NUP153: variants seen among roughly 807,000 people sequenced by gnomAD.
NUP153 encodes the protein nuclear pore complex protein Nup153.
Under a neutral mutation model 134.6 loss-of-function variants are expected in NUP153, and 27 were observed. That is an observed-to-expected ratio of 0.20 (90% CI 0.15 to 0.28). The LOEUF is 0.28. NUP153 is among the 10% of genes least tolerant of loss of function. The probability of loss-of-function intolerance (pLI) is 1.00; values close to 1 mark genes in which losing one functional copy is unlikely to be tolerated. For missense variants in NUP153, 1,821 were observed against 1,731.3 expected, an observed-to-expected ratio of 1.05 and a Z score of -0.92; for synonymous variants, 640 against 623.5, an observed-to-expected ratio of 1.03 and a Z score of -0.40.
rs774053723 is a variant in NUP153 at position 17,629,426 on chromosome 6, T to C, written c.2773A>G (p.Lys925Glu). ...TTGAATCCTCCCTGATCTCCAAATT[T>C]AAAATTTCCAGTGCTTGTTAAAGTC... ...SQTLTSTGNFKFGDQGGFKIG... is the reference protein window; with the variant it reads ...SQTLTSTGNFEFGDQGGFKIG... Residue 925 changes from lysine (K) to glutamate (E), a missense_variant, in exon 18 of 22, where the codon AAA (lysine) becomes GAA (glutamate). Lys to Glu is a moderately conservative substitution (Grantham distance 56, BLOSUM62 1). Transcript: ENST00000262077. 1 of 1,614,136 alleles carries C rather than the reference T, an allele frequency of 6.2e-7. No individual in the cohort carries two copies. Among genetic ancestry groups the C allele is most frequent in the South Asian group, 1.1e-5 (1 of 91,086 alleles).
intron 1 of NUP153, among the ~76,000 whole-genome samples, chr6:17,705,575 G>A (rs1403799719): frequency 6.7e-6 from 1 of 149,624 alleles, no homozygotes; most frequent in Non-Finnish European, 1.5e-5. Flanking sequence ...AAAGGCGGGG[G>A]TGGCGGTGTT....
intron 20 of NUP153, among the ~76,000 whole-genome samples, chr6:17,620,261 C>A (rs1388916306): frequency 6.6e-6 from 1 of 152,032 alleles, no homozygotes; most frequent in Admixed American, 6.5e-5. Context: ...GCTATACTTA[C>A]CATATATAGC....
At chr6:17,634,651 G>C (rs1321232957) in intron 16 of NUP153, among the ~76,000 whole-genome samples, 3 of 152,142 alleles carry the variant, frequency 2.0e-5, no homozygotes, top group Non-Finnish European at 2.9e-5. Context: ...TGGCCAGGCT[G>C]GTCTCAAACT....
At chr6:17,632,627 T>C in intron 17 of NUP153, 23 bp downstream of exon 17, 4 of 1,570,594 alleles carry the variant, frequency 2.5e-6, no homozygotes, top group Non-Finnish European at 2.6e-6. Context: ...CCATCACCTT[T>C]ATTTTTATTT....
In NUP153 at chr6:17,628,655, C is replaced by A; in HGVS notation, c.3544G>T (p.Asp1182Tyr). The A allele has an allele frequency of 6.7e-7, 1 of 1,486,696 alleles. No homozygotes were observed. The highest frequency in any genetic ancestry group is 9.0e-7 in the Non-Finnish European group (1 of 1,113,552). 92.1% of individuals were successfully genotyped at this position (1,486,696 alleles called of 1,614,324 possible). ...ATAATAATAAAAAGTTAATACTTAC[C>A]AGCTGTAGTACTAGTTTGAGCTCCA... ...AFGAQTSTTADQGAAKPVFSF... is the reference protein window; with the variant it reads ...AFGAQTSTTAYQGAAKPVFSF... Residue 1182 changes from aspartate (D) to tyrosine (Y), a missense_variant and splice_region_variant, in exon 18 of 22, where the codon GAT (aspartate) becomes TAT (tyrosine). Coordinates refer to ENST00000262077, the MANE Select transcript of NUP153 (RefSeq NM_005124.4). The surrounding 1 kb of genome is among the most constrained non-coding windows in gnomAD (Gnocchi z 5.4).
At chr6:17,627,824 A>G (rs1765020946) in intron 18 of NUP153, among the ~76,000 whole-genome samples, 1 of 152,212 alleles carries the variant, frequency 6.6e-6, no homozygotes, top group Non-Finnish European at 1.5e-5. Context: ...CTCTGAAAGC[A>G]TTTGGGGTTT....
At position 17,660,752 on chromosome 6, in the gene NUP153, G is replaced by C. The variant is rs189413465; in HGVS notation, c.1395+901C>G. Reference sequence around the variant, plus strand: ...AAAACTATCTTGAAGAGAAAACATGGCAACATCTAATACAGCAGAAGATGT... The same window carrying C: ...AAAACTATCTTGAAGAGAAAACATGCCAACATCTAATACAGCAGAAGATGT... On this transcript the variant is annotated intron_variant, in intron 11 of 21. Transcript: ENST00000262077. 1.9e-4 allele frequency among the ~76,000 whole-genome samples: 29 copies of C among 152,158 alleles called. 1 individual carries two copies. The East Asian group carries it at 5.2e-3, about 27-fold the overall frequency.
At chr6:17,646,651 C>T (rs556835980) in intron 13 of NUP153, among the ~76,000 whole-genome samples, 7 of 152,200 alleles carry the variant, frequency 4.6e-5, no homozygotes, top group Non-Finnish European at 7.4e-5. Flanking sequence ...TTTTAAATTT[C>T]TCAGGCACTT....
intron 1 of NUP153, among the ~76,000 whole-genome samples, chr6:17,699,091 G>T (rs12199222): frequency 0.28 from 42,974 of 151,948 alleles, 6,214 homozygotes; most frequent in East Asian, 0.33. Flanking sequence ...GACAGTAAAT[G>T]GTATGTGTCA....
chr6:17,625,798 G>A lies in NUP153; in HGVS notation c.3901+10C>T. 1.3e-6 allele frequency: 2 copies of A among 1,588,570 alleles called. No individual in the cohort carries two copies. Among genetic ancestry groups the A allele is most frequent in the Non-Finnish European group, 8.6e-7 (1 of 1,162,624 alleles). On this transcript the variant is annotated intron_variant, in intron 19 of 21. Transcript: ENST00000262077. The surrounding 1 kb of genome is among the most constrained non-coding windows in gnomAD (Gnocchi z 4.7). ...CCAATTACAATGCATTTTTTCTTTT[G>A]TAAATGTACCTGCAGAGCTAGATGT...
intron 11 of NUP153, among the ~76,000 whole-genome samples, chr6:17,660,537 C>G (rs1767114223): frequency 6.6e-6 from 1 of 151,518 alleles, no homozygotes; most frequent in African/African-American, 2.4e-5. Context: ...AGAACTCTTT[C>G]TAATAATAAA....
rs888512039 is a variant in NUP153, at chr6:17,706,080, T to G, written c.111+197A>C. On this transcript the variant is annotated intron_variant, in intron 1 of 21. Coordinates refer to ENST00000262077, the MANE Select transcript of NUP153 (RefSeq NM_005124.4). The surrounding 1 kb of genome is among the most constrained non-coding windows in gnomAD (Gnocchi z 5.9). ...GGAAAGGCGGCCCAAACCACACGTGTGCGCCGCAAGGCTGGGCCTGTCTCA... is the reference window on the plus strand; with the variant it reads ...GGAAAGGCGGCCCAAACCACACGTGGGCGCCGCAAGGCTGGGCCTGTCTCA... Among the ~76,000 whole-genome samples the G allele has an allele frequency of 6.6e-6, 1 of 152,094 alleles. No individual in the cohort carries two copies. Among genetic ancestry groups the G allele is most frequent in the Non-Finnish European group, 1.5e-5 (1 of 68,000 alleles).
chr6:17,622,896 C>T (rs1561851200), intron 20 of NUP153, among the ~76,000 whole-genome samples: 1 of 151,798 alleles, frequency 6.6e-6, no homozygotes, highest in Admixed American at 6.6e-5. Context: ...TGTGGGAGGC[C>T]GAGGTGGGTG....
In NUP153 at chr6:17,675,721, C is replaced by T. The variant is rs759428257; in HGVS notation, c.384G>A (p.Arg128=). The T allele has an allele frequency of 1.9e-6, 3 of 1,613,762 alleles. No individual in the cohort carries two copies. The highest frequency in any genetic ancestry group is 1.1e-5 in the South Asian group (1 of 91,068). ...TCAGATGGCTCCGATGAAGAGAAGG[C>T]CTTGTTAACACATCTGGATAATTTG... The part of the protein sequence containing the change: ...TASNYPDVLT[R]PSLHRSHLNF... Residue 128 remains arginine (R), a synonymous_variant, in exon 3 of 22, where the codon AGG becomes AGA. Coordinates refer to ENST00000262077, the MANE Select transcript of NUP153 (RefSeq NM_005124.4). The surrounding 1 kb of genome is among the most constrained non-coding windows in gnomAD (Gnocchi z 4.4).
intron 16 of NUP153, 134 bp downstream of exon 16, chr6:17,637,016 ACCT>A: frequency 1.2e-6 from 1 of 830,142 alleles, no homozygotes; most frequent in Non-Finnish European, 1.8e-6. Context: ...AGACATTTTT[ACCT>A]CAAGATAGTT....
At position 17,646,058 on chromosome 6, in the gene NUP153, T is replaced by G. The variant is rs754258144; in HGVS notation, c.1720+9A>C. 5.1e-6 allele frequency: 7 copies of G among 1,386,032 alleles called. No homozygotes were observed. Among genetic ancestry groups the G allele is most frequent in the Admixed American group, 1.9e-5 (1 of 53,542 alleles). The allele number at this position is 1,386,032 out of a possible 1,614,324, so 85.9% of individuals were successfully genotyped here. A position where few individuals can be genotyped will look rare whatever the true frequency, so the allele number is the denominator to read the frequency against. ...TTTGTATGTTAAAATGTAAGAAATT[T>G]TTACTTACCTGAACTACTTATAATT... On this transcript the variant is annotated intron_variant, in intron 14 of 21. Coordinates refer to ENST00000262077, the MANE Select transcript of NUP153 (RefSeq NM_005124.4).
Position 17,669,560 on chromosome 6 carries a change from C to G in NUP153, c.853-14G>C, listed in dbSNP as rs1443537993. The G allele has an allele frequency of 2.0e-6, 3 of 1,521,844 alleles. No homozygotes were observed. In the East Asian group the frequency reaches 6.8e-5, roughly 34 times the overall value. 94.3% of individuals were successfully genotyped at this position (1,521,844 alleles called of 1,614,324 possible). ...TCTAACTGGTGCCTGTAAAGTAAACCCTATATTATTTGTTGCAACATAAAA... is the reference window on the plus strand; with the variant it reads ...TCTAACTGGTGCCTGTAAAGTAAACGCTATATTATTTGTTGCAACATAAAA... On this transcript the variant is annotated splice_polypyrimidine_tract_variant and intron_variant, in intron 5 of 21. Coordinates refer to ENST00000262077, the MANE Select transcript of NUP153 (RefSeq NM_005124.4).
chr6:17,648,387 C>G (rs946392048), intron 12 of NUP153, among the ~76,000 whole-genome samples: 2 of 152,116 alleles, frequency 1.3e-5, no homozygotes, highest in East Asian at 1.9e-4. Flanking sequence ...GAGGCCAAGG[C>G]AGGCGGATCA....
chr6:17,653,018 C>T (rs1446113565), intron 11 of NUP153, among the ~76,000 whole-genome samples: 3 of 152,030 alleles, frequency 2.0e-5, no homozygotes, highest in East Asian at 1.9e-4. Flanking sequence ...TTTGGTAGGC[C>T]GAGGCGGGTG....
Sources: allele counts gnomAD v4.1 joint callset (sites outside exome capture counted in the v4.1 genomes callset), GRCh38; gene constraint gnomAD v4.1.1; non-coding constraint Gnocchi (gnomAD v3.1); transcripts MANE v1.5; gene names NCBI Gene and HGNC (gene_info 2026-07-23, HGNC 2026-07-21).